The following PIK3R1 variants were observed in gnomAD, a reference collection of about 807,000 sequenced individuals.
PIK3R1 encodes the protein phosphoinositide-3-kinase regulatory subunit 1.
A neutral mutation model predicts 98.0 loss-of-function variants in PIK3R1; 29 were observed. That is an observed-to-expected ratio of 0.30 (90% CI 0.22 to 0.40). The LOEUF (loss-of-function observed/expected upper bound fraction) is 0.40, where lower values mean the gene tolerates loss of function less well. Ranked by LOEUF, PIK3R1 falls within the 10% of genes least tolerant of loss-of-function variation. The pLI, the probability that PIK3R1 is intolerant of heterozygous loss-of-function variation, is 1.00. For missense variants in PIK3R1, 596 were observed against 872.7 expected (o/e 0.68, Z 3.99); for synonymous variants, 282 against 311.8 (o/e 0.90, Z 1.01).
chr5:68,224,126 A>G (rs527908325), intron 1 of PIK3R1, among the ~76,000 whole-genome samples: 28 of 152,330 alleles, frequency 1.8e-4, no homozygotes, highest in Admixed American at 6.5e-5. Context: ...GAGGAATTAA[A>G]TTATTCTTAG....
intron 4 of PIK3R1, 83 bp from the exon 5 acceptor site, chr5:68,279,519 T>G: frequency 9.5e-7 from 1 of 1,048,568 alleles, no homozygotes; most frequent in Non-Finnish European, 1.4e-6. Context: ...TTGTCACATG[T>G]GAGTCAAATT....
chr5:68,248,417 C>G (rs1745185335), intron 2 of PIK3R1, among the ~76,000 whole-genome samples: 1 of 152,216 alleles, frequency 6.6e-6, no homozygotes, highest in South Asian at 2.1e-4. Context: ...AAATCCACCT[C>G]CCCTCATTGT....
intron 2 of PIK3R1, among the ~76,000 whole-genome samples, chr5:68,234,195 G>C (rs761190287): frequency 2.0e-5 from 3 of 152,192 alleles, no homozygotes; most frequent in Admixed American, 2.0e-4. Context: ...CTAATTGTAA[G>C]ATGAGAAGCT....
chr5:68,263,215 T>C lies in PIK3R1; in HGVS notation c.335-10175T>C, dbSNP rs1664576. ...TCTACATATATATCTATATATATATTTCTACATATATATCTATATATGTAG... is the reference window on the plus strand; with the variant it reads ...TCTACATATATATCTATATATATATCTCTACATATATATCTATATATGTAG... On this transcript the variant is annotated intron_variant, in intron 2 of 15. Transcript: ENST00000521381. 1.8e-4 allele frequency among the ~76,000 whole-genome samples: 22 copies of C among 120,932 alleles called. 1 individual carries two copies. Among genetic ancestry groups the C allele is most frequent in the Admixed American group, 5.7e-4 (7 of 12,386 alleles). The allele number at this position is 120,932 out of a possible 152,430, so 79.3% of individuals were successfully genotyped here. A position where few individuals can be genotyped will look rare whatever the true frequency, so the allele number is the denominator to read the frequency against.
intron 1 of PIK3R1, among the ~76,000 whole-genome samples, chr5:68,221,441 C>T (rs1283713076): frequency 6.6e-6 from 1 of 152,156 alleles, no homozygotes; most frequent in African/African-American, 2.4e-5. Flanking sequence ...GGGCTGTGGG[C>T]CCAGGAACCC....
chr5:68,255,719 T>C (rs1003528549), intron 2 of PIK3R1, among the ~76,000 whole-genome samples: 1 of 152,182 alleles, frequency 6.6e-6, no homozygotes, highest in East Asian at 1.9e-4. Flanking sequence ...AAAAAGCTGC[T>C]CCCTATAGCA....
Position 68,299,395 on chromosome 5 carries a change from CCTT to C in PIK3R1, c.*1797_*1799del. The stretch of plus-strand genomic sequence containing the variant: ...TCATTGCAGGAATCCAAGTGGCAGT[CCTT>C]CTCATTCATTCTAATCATTGTATGT... On this transcript the variant is annotated 3_prime_UTR_variant, in exon 16 of 16. Transcript: ENST00000521381. 1 of 233,402 alleles carries C rather than the reference CCTT, an allele frequency of 4.3e-6. No homozygotes were observed. Among genetic ancestry groups the C allele is most frequent in the Non-Finnish European group, 8.5e-6 (1 of 117,940 alleles). 14.5% of individuals were successfully genotyped at this position (233,402 alleles called of 1,614,324 possible). A position where few individuals can be genotyped will look rare whatever the true frequency, so the allele number is the denominator to read the frequency against.
At chr5:68,280,087 C>T (rs936909113) in intron 5 of PIK3R1, among the ~76,000 whole-genome samples, 2 of 152,178 alleles carry the variant, frequency 1.3e-5, no homozygotes, top group African/African-American at 2.4e-5. Context: ...GTCATCTTTC[C>T]TGAGTGGCCA....
intron 2 of PIK3R1, among the ~76,000 whole-genome samples, chr5:68,230,959 T>G (rs1744443239): frequency 6.6e-6 from 1 of 152,194 alleles, no homozygotes; most frequent in African/African-American, 2.4e-5. Flanking sequence ...AAAGGCAATC[T>G]TATGGCTCTT....
At chr5:68,261,503 TAAAA>T (rs780975718) in intron 2 of PIK3R1, among the ~76,000 whole-genome samples, 2 of 149,150 alleles carry the variant, frequency 1.3e-5, no homozygotes, top group African/African-American at 4.9e-5. Flanking sequence ...AATACTCTTT[TAAAA>T]AAAAAAGTCA....
At chr5:68,236,737 T>A (rs1270941176) in intron 2 of PIK3R1, among the ~76,000 whole-genome samples, 1 of 152,226 alleles carries the variant, frequency 6.6e-6, no homozygotes, top group Admixed American at 6.5e-5. Context: ...TGAATTTTGC[T>A]TTTTGGGTGG....
chr5:68,274,860 G>A (rs188495484), intron 4 of PIK3R1, among the ~76,000 whole-genome samples: 66 of 152,150 alleles, frequency 4.3e-4, no homozygotes, highest in African/African-American at 1.3e-3. Flanking sequence ...CCCTCATAAC[G>A]CTTAAAAAAA....
At chr5:68,242,478 A>G (rs1744906974) in intron 2 of PIK3R1, among the ~76,000 whole-genome samples, 1 of 152,194 alleles carries the variant, frequency 6.6e-6, no homozygotes, top group South Asian at 2.1e-4. Flanking sequence ...CAGTGAGGCA[A>G]GGCAGTAAGC....
At position 68,244,512 on chromosome 5, in the gene PIK3R1, A is replaced by ACTGCC. The variant is rs1390340649; in HGVS notation, c.334+17504_334+17505insTGCCC. ...TTTTAGGGCCGCCTATTTCTCTAGG[A>ACTGCC]CCGCCCCCCCGCCCCCCGCCGCCGC... On this transcript the variant is annotated intron_variant, in intron 2 of 15. Transcript: ENST00000521381. Among the ~76,000 whole-genome samples, 36 of 20,958 alleles carry ACTGCC rather than the reference A, an allele frequency of 1.7e-3. 15 individuals are homozygous for ACTGCC. The highest frequency in any genetic ancestry group is 7.4e-3 in the South Asian group (4 of 540). The allele number at this position is 20,958 out of a possible 152,430, so 13.7% of individuals were successfully genotyped here. A position where few individuals can be genotyped will look rare whatever the true frequency, so the allele number is the denominator to read the frequency against.
intron 11 of PIK3R1, among the ~76,000 whole-genome samples, chr5:68,294,209 A>G (rs957410378): frequency 2.0e-5 from 3 of 152,226 alleles, no homozygotes; most frequent in Admixed American, 1.3e-4. Context: ...GAAGGGCTAT[A>G]TACTGCTGTG....
At chr5:68,272,601 T>G (rs978411992) in intron 2 of PIK3R1, among the ~76,000 whole-genome samples, 3 of 152,256 alleles carry the variant, frequency 2.0e-5, no homozygotes, top group African/African-American at 7.2e-5. Context: ...TGAAGAATGT[T>G]ATTTATGAGT....
rs1744278225 is a variant in PIK3R1, at chr5:68,226,440, T to A, written c.-236T>A. The A allele has an allele frequency of 3.9e-6, 2 of 513,156 alleles. No homozygotes were observed. The highest frequency in any genetic ancestry group is 5.8e-5 in the East Asian group (2 of 34,668). The allele number at this position is 513,156 out of a possible 1,614,324, so 31.8% of individuals were successfully genotyped here. On this transcript the variant is annotated 5_prime_UTR_variant, in exon 2 of 16. Coordinates refer to ENST00000521381, the MANE Select transcript of PIK3R1 (RefSeq NM_181523.3). ...GAAAAGGAAGCCAGTGAGAGGACTG[T>A]GGCACGCAGAGGAAGTGGAGCCCTG... is the stretch of plus-strand genomic sequence containing the variant.
At chr5:68,251,622 G>A (rs1036741252) in intron 2 of PIK3R1, among the ~76,000 whole-genome samples, 7 of 152,034 alleles carry the variant, frequency 4.6e-5, no homozygotes, top group Non-Finnish European at 1.0e-4. Flanking sequence ...GGATGAATCA[G>A]CCACTGATTT....
At chr5:68,248,823 A>T (rs1745197820) in intron 2 of PIK3R1, among the ~76,000 whole-genome samples, 1 of 152,218 alleles carries the variant, frequency 6.6e-6, no homozygotes, top group Non-Finnish European at 1.5e-5. Context: ...ACAAAGCAAC[A>T]TATTGATGAA....
Sources: allele counts gnomAD v4.1 joint callset (sites outside exome capture counted in the v4.1 genomes callset), GRCh38; gene constraint gnomAD v4.1.1; transcripts MANE v1.5; gene names NCBI Gene and HGNC (gene_info 2026-07-23, HGNC 2026-07-21).